Variants in VASH1 observed in about 807,000 individuals in gnomAD.
The protein encoded by VASH1 is tubulinyl-Tyr carboxypeptidase 1.
In VASH1, 16 loss-of-function variants were observed where a neutral mutation model predicts 35.0. The observed-to-expected ratio is 0.46, with a 90% CI of 0.31 to 0.70. The LOEUF (loss-of-function observed/expected upper bound fraction) is 0.70. Among genes scored for constraint, VASH1 ranks in the 30% least tolerant of loss-of-function variants. The probability of loss-of-function intolerance (pLI) is 0.05; values close to 1 mark genes in which losing one functional copy is unlikely to be tolerated. For missense variants in VASH1, 505 were observed against 510.7 expected, an observed-to-expected ratio of 0.99 and a Z score of 0.11; for synonymous variants, 214 against 200.9, an observed-to-expected ratio of 1.07 and a Z score of -0.55.
At chr14:76,775,795 T>C in intron 4 of VASH1, 97 bp from the exon 5 acceptor site, 1 of 1,456,194 alleles carries the variant, frequency 6.9e-7, no homozygotes, top group Non-Finnish European at 9.1e-7. Context: ...ACCCCAAGGC[T>C]GGCGGTGCGT....
intron 5 of VASH1, among the ~76,000 whole-genome samples, chr14:76,777,150 C>T (rs1028426237): frequency 6.6e-6 from 1 of 152,194 alleles, no homozygotes; most frequent in African/African-American, 2.4e-5. Context: ...GTAAGAGCTA[C>T]GGCTGCCCTA....
At position 76,762,916 on chromosome 14, in the gene VASH1, A is replaced by G; in HGVS notation, c.95A>G (p.Glu32Gly). 1.3e-6 allele frequency: 2 copies of G among 1,575,552 alleles called. No homozygotes were observed. The highest frequency in any genetic ancestry group is 2.4e-5 in the South Asian group (2 of 84,330). ...ATAPSGVRRLETSEGTSAQRD... is the reference protein window; with the variant it reads ...ATAPSGVRRLGTSEGTSAQRD... ...GCCCCCTCTGGGGTCAGGCGTTTGG[A>G]GACCAGCGAAGGAACCTCAGCCCAG... The change falls in exon 1 of 7, where the codon GAG (glutamate) becomes GGG (glycine). Residue 32 changes from glutamate (E) to glycine (G), a missense_variant. Transcript: ENST00000167106.
intron 3 of VASH1, among the ~76,000 whole-genome samples, chr14:76,772,188 C>T (rs1483067687): frequency 1.3e-5 from 2 of 151,870 alleles, no homozygotes; most frequent in Non-Finnish European, 2.9e-5. Flanking sequence ...TACAGTGAGC[C>T]GAGATCACGC....
intron 1 of VASH1, among the ~76,000 whole-genome samples, chr14:76,767,631 G>A (rs76332640): frequency 0.016 from 2,444 of 152,266 alleles, 73 homozygotes; most frequent in East Asian, 0.15. Context: ...CTCCTGTTTC[G>A]GAGGTGGGGG....
intron 1 of VASH1, among the ~76,000 whole-genome samples, chr14:76,766,653 G>T (rs1893649729): frequency 1.3e-5 from 2 of 152,056 alleles, no homozygotes; most frequent in South Asian, 4.2e-4. Context: ...TATTGCCCAG[G>T]CTGGTCTCAA....
At chr14:76,766,796 C>T (rs1015040887) in intron 1 of VASH1, among the ~76,000 whole-genome samples, 1 of 152,196 alleles carries the variant, frequency 6.6e-6, no homozygotes, top group Non-Finnish European at 1.5e-5. Flanking sequence ...GCGAGGCACA[C>T]TGATAATGAT....
Position 76,779,693 on chromosome 14 carries a change from G to A in VASH1, c.*675G>A, listed in dbSNP as rs934261042. 1.5e-5 allele frequency: 9 copies of A among 591,644 alleles called. No homozygotes were observed. The highest frequency in any genetic ancestry group is 9.3e-5 in the African/African-American group (5 of 53,666). The allele number at this position is 591,644 out of a possible 1,614,324, so 36.6% of individuals were successfully genotyped here. A position where few individuals can be genotyped will look rare whatever the true frequency, so the allele number is the denominator to read the frequency against. On this transcript the variant is annotated 3_prime_UTR_variant, in exon 7 of 7. Transcript: ENST00000167106. ...GGCAGAGGAGGGGTGATATGAGAGC[G>A]AGCCCAGGGAAGGACCTCTGGGCAA...
intron 5 of VASH1, among the ~76,000 whole-genome samples, chr14:76,776,727 T>A (rs1595278563): frequency 6.6e-6 from 1 of 151,510 alleles, no homozygotes; most frequent in Non-Finnish European, 1.5e-5. Context: ...GAGCAGGAGG[T>A]GATAGGGAGT....
At chr14:76,772,617 G>C (rs1354493213) in intron 3 of VASH1, among the ~76,000 whole-genome samples, 2 of 152,278 alleles carry the variant, frequency 1.3e-5, no homozygotes. Flanking sequence ...TCTGTAGTCA[G>C]CAGGTAACTA....
intron 1 of VASH1, chr14:76,769,491 A>T (rs1222210920): frequency 9.3e-6 from 12 of 1,288,630 alleles, no homozygotes; most frequent in Non-Finnish European, 1.2e-5. Context: ...CCTACCAAGG[A>T]TGCTCACCCC....
chr14:76,762,473 G>A lies in VASH1; in HGVS notation c.-349G>A, dbSNP rs1363938889. ...AGCTGTCTGGCCTCAGTTTCCCTCC[G>A]ACTTTTCTCCGCTCTGCCAGCCCTC... On this transcript the variant is annotated 5_prime_UTR_variant, in exon 1 of 7. Coordinates refer to ENST00000167106, the MANE Select transcript of VASH1 (RefSeq NM_014909.5). 1.1e-5 allele frequency: 2 copies of A among 187,076 alleles called. No homozygotes were observed. The highest frequency in any genetic ancestry group is 4.7e-5 in the African/African-American group (2 of 42,866). The allele number at this position is 187,076 out of a possible 1,614,324, so 11.6% of individuals were successfully genotyped here. A position where few individuals can be genotyped will look rare whatever the true frequency, so the allele number is the denominator to read the frequency against.
chr14:76,770,286 C>G (rs753948775), intron 2 of VASH1, among the ~76,000 whole-genome samples: 32 of 152,166 alleles, frequency 2.1e-4, no homozygotes, highest in Non-Finnish European at 3.8e-4. Context: ...CTGCCACCCC[C>G]TTCCCGCTCC....
chr14:76,762,377 C>G lies in VASH1; in HGVS notation c.-445C>G, dbSNP rs533060730. 1 of 154,512 alleles carries G rather than the reference C, an allele frequency of 6.5e-6. No individual in the cohort carries two copies. The highest frequency in any genetic ancestry group is 2.1e-4 in the South Asian group (1 of 4,864). 9.6% of individuals were successfully genotyped at this position (154,512 alleles called of 1,614,324 possible). On this transcript the variant is annotated 5_prime_UTR_variant, in exon 1 of 7. Transcript: ENST00000167106. ...GTTGTGTAGGGGATTTTGTTCCCTC[C>G]GAAACTGAGACCCAGGGCGCCCAGT...
In VASH1 at chr14:76,762,910, G is replaced by A. The variant is rs1247075923; in HGVS notation, c.89G>A (p.Arg30His). Residue 30 changes from arginine to histidine, a missense_variant, in exon 1 of 7, where the codon CGT becomes CAT. Physicochemically the swap from Arg to His is conservative, Grantham distance 29 (BLOSUM62 0). Coordinates refer to ENST00000167106, the MANE Select transcript of VASH1 (RefSeq NM_014909.5). ...GCCACCGCCCCCTCTGGGGTCAGGC[G>A]TTTGGAGACCAGCGAAGGAACCTCA... ...AAATAPSGVR[R>H]LETSEGTSAQ... 1.9e-6 allele frequency: 3 copies of A among 1,579,286 alleles called. No individual in the cohort carries two copies. The highest frequency in any genetic ancestry group is 1.7e-6 in the Non-Finnish European group (2 of 1,163,944).
chr14:76,772,535 G>T (rs186341779), intron 3 of VASH1, among the ~76,000 whole-genome samples: 24 of 152,300 alleles, frequency 1.6e-4, no homozygotes, highest in Non-Finnish European at 3.5e-4. Context: ...CCCAGGCTGG[G>T]GACAGAGGGA....
intron 1 of VASH1, among the ~76,000 whole-genome samples, chr14:76,767,137 C>G (rs976685181): frequency 1.1e-4 from 17 of 152,036 alleles, no homozygotes; most frequent in African/African-American, 3.9e-4. Flanking sequence ...CCTAGCTACT[C>G]TGGAGGCTGA....
intron 1 of VASH1, 87 bp downstream of exon 1, chr14:76,763,217 G>A: frequency 1.2e-5 from 15 of 1,276,590 alleles, no homozygotes; most frequent in East Asian, 3.0e-5. Context: ...CTCCTCCCAC[G>A]GGGCAGGGGA....
Position 76,762,977 on chromosome 14 carries a change from C to T in VASH1, c.156C>T (p.Asp52=), listed in dbSNP as rs1463277798. 2 of 1,553,322 alleles carry T rather than the reference C, an allele frequency of 1.3e-6. No homozygotes were observed. The highest frequency in any genetic ancestry group is 4.8e-5 in the East Asian group (2 of 41,656). Residue 52 remains aspartate (D), a synonymous_variant, in exon 1 of 7, where the codon GAC becomes GAT. Coordinates refer to ENST00000167106, the MANE Select transcript of VASH1 (RefSeq NM_014909.5). The stretch of plus-strand genomic sequence containing the variant: ...AGCCAGAAGAGGAAGGGGAAGAGGA[C>T]CTGCGAGACGGAGGCGTCCCCTTCT... ...DEEPEEEGEE[D]LRDGGVPFFV...
chr14:76,778,917 C>A, intron 6 of VASH1, 29 bp from the exon 7 acceptor site: 1 of 1,611,690 alleles, frequency 6.2e-7, no homozygotes, highest in Non-Finnish European at 8.5e-7. Flanking sequence ...CACTCACTCT[C>A]CTCCCGCTCT....
Sources: gnomAD v4.1 joint callset for allele counts (sites outside exome capture counted in the v4.1 genomes callset) on GRCh38, gnomAD v4.1.1 for gene constraint, MANE v1.5 for transcripts, NCBI Gene and HGNC (gene_info 2026-07-23, HGNC 2026-07-21) for gene names.